The following KCNQ3 variants were observed in gnomAD, a reference collection of about 807,000 sequenced individuals.
KCNQ3 encodes potassium voltage-gated channel subfamily Q member 3.
KCNQ3 carries 30 observed loss-of-function variants against 92.5 expected under a neutral mutation model. The ratio of observed to expected loss-of-function variants is 0.32; its 90% confidence interval spans 0.24 to 0.44. The LOEUF (loss-of-function observed/expected upper bound fraction) is 0.44, where lower values mean the gene tolerates loss of function less well. Ranked by LOEUF, KCNQ3 falls within the 20% of genes least tolerant of loss-of-function variation. The pLI, the probability that KCNQ3 is intolerant of heterozygous loss-of-function variation, is 1.00. For synonymous variants in KCNQ3, 450 were observed against 468.8 expected (o/e 0.96, Z 0.52); for missense variants, 913 against 1,140.3 (o/e 0.80, Z 2.87).
intron 1 of KCNQ3, among the ~76,000 whole-genome samples, chr8:132,353,132 A>T (rs1014591678): frequency 1.2e-4 from 18 of 152,194 alleles, no homozygotes; most frequent in African/African-American, 4.1e-4. Context: ...AGGCTGAGGC[A>T]GGAGAATCGC....
chr8:132,404,602 G>A (rs1349650808), intron 1 of KCNQ3, among the ~76,000 whole-genome samples: 2 of 152,064 alleles, frequency 1.3e-5, no homozygotes, highest in African/African-American at 2.4e-5. Flanking sequence ...TCCCCTAAGG[G>A]TTTCAGATTT....
intron 1 of KCNQ3, among the ~76,000 whole-genome samples, chr8:132,242,502 C>T (rs1483521661): frequency 3.3e-5 from 5 of 152,214 alleles, no homozygotes; most frequent in African/African-American, 7.2e-5. Context: ...GAACCTAGAG[C>T]TCTCTGATTC....
chr8:132,418,821 T>C (rs990032208), intron 1 of KCNQ3, among the ~76,000 whole-genome samples: 1 of 151,898 alleles, frequency 6.6e-6, no homozygotes, highest in African/African-American at 2.4e-5. Context: ...AACATAAAAA[T>C]AAAAAGTAGA....
In KCNQ3 at chr8:132,340,876, C is replaced by T. The variant is rs527382773; in HGVS notation, c.386+139271G>A. 6.6e-5 allele frequency among the ~76,000 whole-genome samples: 10 copies of T among 152,298 alleles called. No homozygotes were observed. In the South Asian group the frequency reaches 8.3e-4, roughly 13 times the overall value. On this transcript the variant is annotated intron_variant, in intron 1 of 14. Coordinates refer to ENST00000388996, the MANE Select transcript of KCNQ3 (RefSeq NM_004519.4). Reference sequence around the variant, plus strand: ...TCCTTCATTGCACCTATATTGAGCACGTACTGAGAGCTAGGAACTGAGCTG... The same window carrying T: ...TCCTTCATTGCACCTATATTGAGCATGTACTGAGAGCTAGGAACTGAGCTG...
At chr8:132,234,953 G>A (rs185761619) in intron 1 of KCNQ3, among the ~76,000 whole-genome samples, 2 of 152,108 alleles carry the variant, frequency 1.3e-5, no homozygotes, top group Non-Finnish European at 2.9e-5. Context: ...CCGTGGTGAT[G>A]GTTGCCCAAC....
intron 1 of KCNQ3, among the ~76,000 whole-genome samples, chr8:132,408,204 T>C (rs1820547496): frequency 1.3e-5 from 2 of 152,088 alleles, no homozygotes; most frequent in African/African-American, 4.8e-5. Context: ...CATGGAATCG[T>C]TTTCCCAAAA....
At chr8:132,371,070 T>C (rs936797131) in intron 1 of KCNQ3, among the ~76,000 whole-genome samples, 15 of 152,156 alleles carry the variant, frequency 9.9e-5, no homozygotes, top group Non-Finnish European at 2.2e-4. Flanking sequence ...GGACACCCTC[T>C]CTGATCACTC....
chr8:132,155,646 A>T (rs1016523556), intron 9 of KCNQ3, among the ~76,000 whole-genome samples: 1 of 152,170 alleles, frequency 6.6e-6, no homozygotes, highest in African/African-American at 2.4e-5. Context: ...AGTAATCTGT[A>T]ACGTGCAACG....
chr8:132,363,983 T>C (rs1346637529), intron 1 of KCNQ3, among the ~76,000 whole-genome samples: 1 of 151,972 alleles, frequency 6.6e-6, no homozygotes, highest in Non-Finnish European at 1.5e-5. Flanking sequence ...ATGTGTACCA[T>C]TGAAGTTTGT....
chr8:132,240,201 T>C (rs2130402218), intron 1 of KCNQ3, among the ~76,000 whole-genome samples: 1 of 151,398 alleles, frequency 6.6e-6, no homozygotes, highest in African/African-American at 2.4e-5. Context: ...TTTTTTTTTT[T>C]TTGAGACGGA....
Position 132,480,625 on chromosome 8 carries a change from T to C in KCNQ3, c.-93A>G. ...GCGTGAACGAGGCGGCGGCGGCGGC[T>C]GCAAGCCCGGGAACTCCAATGCCAT... On this transcript the variant is annotated 5_prime_UTR_variant, in exon 1 of 15. Transcript: ENST00000388996. 2 of 1,171,212 alleles carry C rather than the reference T, an allele frequency of 1.7e-6. No individual in the cohort carries two copies. The highest frequency in any genetic ancestry group is 2.2e-6 in the Non-Finnish European group (2 of 929,870). The allele number at this position is 1,171,212 out of a possible 1,614,324, so 72.6% of individuals were successfully genotyped here. A position where few individuals can be genotyped will look rare whatever the true frequency, so the allele number is the denominator to read the frequency against.
chr8:132,359,901 G>A (rs1819120386), intron 1 of KCNQ3, among the ~76,000 whole-genome samples: 1 of 152,156 alleles, frequency 6.6e-6, no homozygotes, highest in Non-Finnish European at 1.5e-5. Context: ...TCCTGCTAGT[G>A]TTTCCTCAGC....
At chr8:132,174,762 G>C (rs1395025963) in intron 5 of KCNQ3, among the ~76,000 whole-genome samples, 1 of 152,132 alleles carries the variant, frequency 6.6e-6, no homozygotes, top group African/African-American at 2.4e-5. Flanking sequence ...GTATATTCTT[G>C]TGTGTGTTTA....
intron 1 of KCNQ3, among the ~76,000 whole-genome samples, chr8:132,392,846 A>T (rs1236735301): frequency 2.0e-5 from 3 of 148,286 alleles, no homozygotes; most frequent in African/African-American, 7.4e-5. Context: ...TCTCCCCCTT[A>T]TCAGCTCTTA....
intron 1 of KCNQ3, among the ~76,000 whole-genome samples, chr8:132,340,624 G>C (rs984921817): frequency 6.6e-6 from 1 of 152,016 alleles, no homozygotes; most frequent in African/African-American, 2.4e-5. Flanking sequence ...GGTGGTGGGG[G>C]ATGGAGGCAA....
intron 1 of KCNQ3, among the ~76,000 whole-genome samples, chr8:132,349,620 A>G (rs1241961266): frequency 6.6e-6 from 1 of 152,356 alleles, no homozygotes; most frequent in East Asian, 1.9e-4. Context: ...CACCTCCACC[A>G]AGCCCTGAAA....
chr8:132,308,952 T>C (rs1817513659), intron 1 of KCNQ3, among the ~76,000 whole-genome samples: 1 of 152,308 alleles, frequency 6.6e-6, no homozygotes, highest in East Asian at 1.9e-4. Context: ...GGATGAAAAT[T>C]ATTGTTCCTG....
intron 1 of KCNQ3, among the ~76,000 whole-genome samples, chr8:132,367,106 GTA>G (rs1819343630): frequency 6.6e-6 from 1 of 152,212 alleles, no homozygotes; most frequent in Non-Finnish European, 1.5e-5. Flanking sequence ...ACAAACATCA[GTA>G]TATGCGGAGA....
At chr8:132,240,206 G>A (rs1350226381) in intron 1 of KCNQ3, among the ~76,000 whole-genome samples, 4 of 100,266 alleles carry the variant, frequency 4.0e-5, no homozygotes, top group Non-Finnish European at 6.1e-5. Context: ...TTTTTTTTGA[G>A]ACGGAGTTTT....
Sources: gnomAD v4.1 joint callset for allele counts (sites outside exome capture counted in the v4.1 genomes callset) on GRCh38, gnomAD v4.1.1 for gene constraint, MANE v1.5 for transcripts, NCBI Gene and HGNC (gene_info 2026-07-23, HGNC 2026-07-21) for gene names.